Variants in NNT observed in about 807,000 individuals in gnomAD.
The protein encoded by NNT is NAD(P) transhydrogenase, mitochondrial.
In NNT, 50 loss-of-function variants were observed where a neutral mutation model predicts 104.8. That is an observed-to-expected ratio of 0.48 (90% CI 0.38 to 0.60). The LOEUF is 0.60. Among genes scored for constraint, NNT ranks in the 20% least tolerant of loss-of-function variants. NNT has a pLI of 0.00. For missense variants in NNT, 1,131 were observed against 1,330.7 expected (o/e 0.85, Z 2.33); for synonymous variants, 461 against 490.4 (o/e 0.94, Z 0.79).
At chr5:43,602,718 G>T (rs1159222714), upstream of NNT, 1 of 152,286 alleles carries the variant, frequency 6.6e-6, no homozygotes, top group Non-Finnish European at 1.5e-5. Flanking sequence ...TGTTACAGAA[G>T]TTCTGATTTT....
At chr5:43,667,351 C>G (rs1174546979) in intron 17 of NNT, 3 of 523,666 alleles carry the variant, frequency 5.7e-6, no homozygotes, top group Non-Finnish European at 1.0e-5. Flanking sequence ...ATACATGCGC[C>G]ATGTTGGTGT....
chr5:43,613,493 A>G (rs1462671433), intron 3 of NNT: 2 of 174,198 alleles, frequency 1.1e-5, no homozygotes, highest in African/African-American at 4.8e-5. Context: ...TATGGAACTT[A>G]GTCTGGGACT....
At chr5:43,620,651 T>A (rs1024431733) in intron 5 of NNT, among the ~76,000 whole-genome samples, 3 of 151,516 alleles carry the variant, frequency 2.0e-5, no homozygotes, top group African/African-American at 7.3e-5. Flanking sequence ...ACAGGCCAGG[T>A]GAAAAAAATG....
Position 43,607,937 on chromosome 5 carries a change from C to CTT in NNT, c.-53-1196_-53-1195dup, listed in dbSNP as rs35612406. On this transcript the variant is annotated intron_variant, in intron 1 of 21. Coordinates refer to ENST00000344920, the MANE Select transcript of NNT (RefSeq NM_182977.3). ...TCTAAGTCCTTGGCTGCTTTCTATTCTTTTTTTTTTTGAGACGGTGTCTCA... is the reference window on the plus strand; with the variant it reads ...TCTAAGTCCTTGGCTGCTTTCTATTCTTTTTTTTTTTTTGAGACGGTGTCTCA... 7.3e-3 allele frequency among the ~76,000 whole-genome samples: 1,089 copies of CTT among 148,580 alleles called. 23 individuals carry two copies. Among genetic ancestry groups the CTT allele is most frequent in the African/African-American group, 0.025 (1,020 of 40,446 alleles).
At chr5:43,698,045 T>G (rs1207614993) in intron 19 of NNT, among the ~76,000 whole-genome samples, 1 of 151,856 alleles carries the variant, frequency 6.6e-6, no homozygotes, top group African/African-American at 2.4e-5. Flanking sequence ...CTATAGACCT[T>G]GGAAAAAAAT....
chr5:43,621,190 A>G (rs1420419669), intron 5 of NNT, among the ~76,000 whole-genome samples: 1 of 152,248 alleles, frequency 6.6e-6, no homozygotes, highest in Non-Finnish European at 1.5e-5. Context: ...GTGGCCCAGG[A>G]CGGTTTTGAA....
Position 43,609,326 on chromosome 5 carries a change from G to A in NNT, c.131G>A (p.Cys44Tyr). Residue 44 changes from cysteine to tyrosine, a missense_variant, in exon 2 of 22, where the codon TGT becomes TAT. Coordinates refer to ENST00000344920, the MANE Select transcript of NNT (RefSeq NM_182977.3). ...RTFYTHQELW[C>Y]KAPVKPGIPY... ...TTTTATACTCACCAAGAACTGTGGT[G>A]TAAAGCGCCTGTAAAACCAGGTAAA... 1.2e-6 allele frequency: 2 copies of A among 1,613,872 alleles called. No homozygotes were observed. The highest frequency in any genetic ancestry group is 1.7e-6 in the Non-Finnish European group (2 of 1,179,902).
chr5:43,684,887 A>C (rs1195405475), intron 19 of NNT, among the ~76,000 whole-genome samples: 2 of 152,184 alleles, frequency 1.3e-5, no homozygotes, highest in African/African-American at 2.4e-5. Flanking sequence ...AAAAATACTG[A>C]ATATAGTAAT....
chr5:43,609,052 TTTAGA>T (rs1749365944), intron 1 of NNT, 86 bp from the exon 2 acceptor site: 5 of 604,994 alleles, frequency 8.3e-6, no homozygotes, highest in Non-Finnish European at 8.5e-6. Context: ...TTTCAAGCTC[TTTAGA>T]TTAGTATTTT....
rs1451487138 is a variant in NNT at position 43,651,821 on chromosome 5, C to G, written c.1800C>G (p.Leu600=). The G allele has an allele frequency of 3.1e-6, 5 of 1,614,032 alleles. No homozygotes were observed. In the Admixed American group the frequency reaches 8.3e-5, roughly 27 times the overall value. The part of the protein sequence containing the change: ...DPPEYNYLYL[L]PAGTFVGGYL... ...CAGAATACAACTACCTGTACCTGCT[C>G]CCTGCCGGCACCTTTGTTGGTGGAT... The change falls in exon 13 of 22, where the codon CTC becomes CTG. Residue 600 remains leucine, a synonymous_variant. Coordinates refer to ENST00000344920, the MANE Select transcript of NNT (RefSeq NM_182977.3).
intron 4 of NNT, among the ~76,000 whole-genome samples, chr5:43,616,405 TATAGGTCAAAA>T (rs1165313796): frequency 6.6e-6 from 1 of 152,214 alleles, no homozygotes; most frequent in African/African-American, 2.4e-5. Flanking sequence ...TTACTGTTTT[TATAGGTCAAAA>T]ATGGTAGAAT....
intron 13 of NNT, among the ~76,000 whole-genome samples, chr5:43,652,276 A>G (rs1739808372): frequency 6.6e-6 from 1 of 152,210 alleles, no homozygotes; most frequent in Non-Finnish European, 1.5e-5. Flanking sequence ...TTCTTCCTCT[A>G]CAAATCCAGC....
intron 20 of NNT, among the ~76,000 whole-genome samples, chr5:43,700,666 G>A (rs921523427): frequency 3.9e-5 from 6 of 152,112 alleles, no homozygotes; most frequent in Admixed American, 6.5e-5. Context: ...TTGTACTAAC[G>A]TATGACTGGT....
Position 43,624,087 on chromosome 5 carries a change from C to T in NNT, c.743C>T (p.Ser248Leu), listed in dbSNP as rs199933290. The T allele has an allele frequency of 4.0e-5, 65 of 1,613,984 alleles. No homozygotes were observed. In the Middle Eastern group the frequency reaches 4.9e-4, roughly 12 times the overall value. ...CTTGCTTCTGCAGGCGCAGCAAAGT[C>T]GATGGGTGCAATTGTTCGAGGATTT... Reference protein sequence around the residue: ...AGLASAGAAKSMGAIVRGFDT... With the variant: ...AGLASAGAAKLMGAIVRGFDT... The change falls in exon 6 of 22, where the codon TCG becomes TTG. Residue 248 changes from serine (S) to leucine (L), a missense_variant. Ser to Leu is a moderately radical substitution (Grantham distance 145). Transcript: ENST00000344920.
intron 1 of NNT, among the ~76,000 whole-genome samples, chr5:43,608,022 C>T (rs2111764559): frequency 6.6e-6 from 1 of 152,160 alleles, no homozygotes; most frequent in South Asian, 2.1e-4. Context: ...CCTCCACCTC[C>T]CAGGTTCAAC....
At chr5:43,680,869 A>G (rs1038399322) in intron 19 of NNT, among the ~76,000 whole-genome samples, 2 of 152,046 alleles carry the variant, frequency 1.3e-5, no homozygotes, top group Admixed American at 1.3e-4. Context: ...TATGACAACA[A>G]TCTTACGACG....
chr5:43,647,940 T>A (rs1561288269), intron 10 of NNT: 3 of 464,902 alleles, frequency 6.5e-6, no homozygotes, highest in Non-Finnish European at 4.3e-6. Context: ...ACAGAGAGGG[T>A]TGATAATTTT....
At chr5:43,650,426 G>C (rs1372562617) in intron 11 of NNT, 51 bp from the exon 12 acceptor site, 1 of 1,290,648 alleles carries the variant, frequency 7.7e-7, no homozygotes, top group South Asian at 1.2e-5. Flanking sequence ...TATGATATTT[G>C]ATTTGGTGGT....
chr5:43,662,640 T>A (rs1040379722), intron 17 of NNT, among the ~76,000 whole-genome samples: 1 of 152,132 alleles, frequency 6.6e-6, no homozygotes, highest in Non-Finnish European at 1.5e-5. Context: ...TGCCTGTAAT[T>A]CTAGCACTTT....
Sources: allele counts gnomAD v4.1 joint callset (sites outside exome capture counted in the v4.1 genomes callset), GRCh38; gene constraint gnomAD v4.1.1; transcripts MANE v1.5; gene names NCBI Gene and HGNC (gene_info 2026-07-23, HGNC 2026-07-21).